The following TAF4 variants were observed in gnomAD, a reference collection of about 807,000 sequenced individuals.
TAF4 encodes the protein transcription initiation factor TFIID subunit 4.
Under a neutral mutation model 90.3 loss-of-function variants are expected in TAF4, and 9 were observed. The ratio of observed to expected loss-of-function variants is 0.10; its 90% CI spans 0.06 to 0.17. The LOEUF (loss-of-function observed/expected upper bound fraction) is 0.17, where lower values mean the gene tolerates loss of function less well. TAF4 is among the 10% of genes least tolerant of loss of function. The pLI is 1.00. For synonymous variants in TAF4, 818 were observed against 638.9 expected (o/e 1.28, Z -4.23); for missense variants, 1,351 against 1,370.7 (o/e 0.99, Z 0.23).
At chr20:62,040,770 C>A (rs1388660403) in intron 1 of TAF4, among the ~76,000 whole-genome samples, 1 of 152,232 alleles carries the variant, frequency 6.6e-6, no homozygotes, top group East Asian at 1.9e-4. Context: ...AGGAACACAG[C>A]CTGGCAGTTT....
rs1568922029 is a variant in TAF4 at position 61,985,047 on chromosome 20, G to GAGGT, written c.3091-8713_3091-8712insACCT. On this transcript the variant is annotated intron_variant, in intron 14 of 14. Coordinates refer to ENST00000252996, the MANE Select transcript of TAF4 (RefSeq NM_003185.4). ...CAGGGGGTGGGAGGATGGGTGGAGGGTGTGGCAGGACACCACTCCAAGGGG... is the reference window on the plus strand; with the variant it reads ...CAGGGGGTGGGAGGATGGGTGGAGGGAGGTTGTGGCAGGACACCACTCCAAGGGG... Among the ~76,000 whole-genome samples, 6 of 90,562 alleles carry GAGGT rather than the reference G, an allele frequency of 6.6e-5. No individual in the cohort carries two copies. In the East Asian group the frequency reaches 2.7e-3, roughly 41 times the overall value. 59.4% of individuals were successfully genotyped at this position (90,562 alleles called of 152,430 possible).
chr20:61,977,515 C>A (rs1167364934), intron 14 of TAF4, among the ~76,000 whole-genome samples: 5 of 152,346 alleles, frequency 3.3e-5, no homozygotes, highest in Middle Eastern at 6.8e-3. Context: ...TTCCTCCCCC[C>A]TTCCCCGTTC....
At position 62,007,528 on chromosome 20, in the gene TAF4, C is replaced by T. The variant is rs777377065; in HGVS notation, c.1974+19G>A. ...TCCCTGGCCCTACTGCTCGCAGGCA[C>T]CGGGGCCTTTGAAATTACCTTCAGG... is the stretch of plus-strand genomic sequence containing the variant. On this transcript the variant is annotated intron_variant, in intron 6 of 14. Transcript: ENST00000252996. 6.2e-7 allele frequency: 1 copy of T among 1,612,484 alleles called. No individual in the cohort carries two copies. The highest frequency in any genetic ancestry group is 8.5e-7 in the Non-Finnish European group (1 of 1,178,602).
At chr20:62,036,866 G>C (rs2055935415) in intron 1 of TAF4, among the ~76,000 whole-genome samples, 1 of 152,114 alleles carries the variant, frequency 6.6e-6, no homozygotes. Context: ...GGGGACTTTG[G>C]GGGCCCAGCC....
chr20:61,981,986 G>T (rs113045501), intron 14 of TAF4, among the ~76,000 whole-genome samples: 102 of 112,512 alleles, frequency 9.1e-4, no homozygotes, highest in African/African-American at 3.2e-3. Context: ...ACACCCACCC[G>T]AGAGGAGACA....
chr20:61,996,842 A>G (rs1359925815), intron 14 of TAF4, among the ~76,000 whole-genome samples: 4 of 152,068 alleles, frequency 2.6e-5, no homozygotes, highest in African/African-American at 9.7e-5. Flanking sequence ...CAATTTTTCA[A>G]GTAAACAAAA....
chr20:61,992,263 A>G (rs2055636403), intron 14 of TAF4, among the ~76,000 whole-genome samples: 1 of 152,266 alleles, frequency 6.6e-6, no homozygotes, highest in South Asian at 2.1e-4. Context: ...ACATAAATAC[A>G]GCACAAAATA....
intron 1 of TAF4, among the ~76,000 whole-genome samples, chr20:62,051,004 C>T (rs1287962308): frequency 6.6e-6 from 1 of 152,196 alleles, no homozygotes; most frequent in Non-Finnish European, 1.5e-5. Context: ...ATTTTCACCC[C>T]TCACAGGGGA....
At chr20:62,036,149 G>A (rs1469887357) in intron 1 of TAF4, among the ~76,000 whole-genome samples, 1 of 152,006 alleles carries the variant, frequency 6.6e-6, no homozygotes, top group African/African-American at 2.4e-5. Context: ...TCAGCCTCCT[G>A]AGTAGCTGGG....
intron 1 of TAF4, among the ~76,000 whole-genome samples, chr20:62,034,223 T>C (rs1045926764): frequency 2.0e-5 from 3 of 152,116 alleles, no homozygotes; most frequent in Admixed American, 2.0e-4. Flanking sequence ...CCTCAAAAAA[T>C]TGCAAATTTT....
chr20:62,006,691 T>C lies in TAF4; in HGVS notation c.2042A>G (p.Gln681Arg), dbSNP rs1379651588. 8 of 1,591,814 alleles carry C rather than the reference T, an allele frequency of 5.0e-6. No individual in the cohort carries two copies. The highest frequency in any genetic ancestry group is 6.0e-6 in the Non-Finnish European group (7 of 1,165,582). ...GGCCTGCGAGGTGGGCGGTGGCGGC[T>C]GCTGCTGGCTCTGCTGGATGAAGGC... ...SAAFIQQSQQ[Q>R]PPPPTSQATT... The change falls in exon 7 of 15, where the codon CAG (glutamine) becomes CGG (arginine). Residue 681 changes from glutamine (Q) to arginine (R), a missense_variant. Gln to Arg is a conservative substitution (Grantham distance 43, BLOSUM62 1). Transcript: ENST00000252996. This position sits in a 1 kb window ranked among gnomAD's most constrained non-coding sequence, Gnocchi z 7.0.
chr20:62,030,948 C>A (rs1284153224), intron 1 of TAF4, among the ~76,000 whole-genome samples: 1 of 152,196 alleles, frequency 6.6e-6, no homozygotes, highest in East Asian at 1.9e-4. Context: ...CCCAACTGCA[C>A]CTGAGCTTCC....
chr20:62,006,911 C>T lies in TAF4; in HGVS notation c.1975-153G>A, dbSNP rs1189851367. 1.0e-5 allele frequency: 11 copies of T among 1,071,738 alleles called. No homozygotes were observed. The East Asian group carries it at 3.5e-4, about 34-fold the overall frequency. The allele number at this position is 1,071,738 out of a possible 1,614,324, so 66.4% of individuals were successfully genotyped here. A position where few individuals can be genotyped will look rare whatever the true frequency, so the allele number is the denominator to read the frequency against. On this transcript the variant is annotated intron_variant, in intron 6 of 14. Transcript: ENST00000252996. This position sits in a 1 kb window ranked among gnomAD's most constrained non-coding sequence, Gnocchi z 7.0. ...CGGCAGCATGTCTGGATGTCAAGGG[C>T]CAGGACCCCATCCTGCCCTCCCACT...
intron 1 of TAF4, among the ~76,000 whole-genome samples, chr20:62,032,354 G>A (rs375926328): frequency 9.2e-5 from 14 of 152,360 alleles, no homozygotes; most frequent in East Asian, 3.9e-4. Context: ...AAGTCTACAC[G>A]TTTGTCCAGA....
At position 62,014,611 on chromosome 20, in the gene TAF4, G is replaced by A; in HGVS notation, c.1457C>T (p.Thr486Ile). ...MQAQAHAQPQ[T>I]TMAPRPATPT... is the part of the protein sequence containing the mutation. ...GGTGGCAGGGCGAGGCGCCATGGTG[G>A]TCTGAGGCTGGGCATGGGCCTGCGC... The change falls in exon 2 of 15, where the codon ACC becomes ATC. Residue 486 changes from threonine (T) to isoleucine (I), a missense_variant. Thr to Ile is a moderately conservative substitution (Grantham distance 89). Around this residue, in one of 9 missense-constraint regions of TAF4, gnomAD observed 143 missense variants for 176.3 expected, o/e 0.81. Transcript: ENST00000252996. 1 of 1,614,098 alleles carries A rather than the reference G, an allele frequency of 6.2e-7. No homozygotes were observed. The highest frequency in any genetic ancestry group is 2.2e-5 in the East Asian group (1 of 44,862).
chr20:62,053,520 C>G (rs2056042536), intron 1 of TAF4, among the ~76,000 whole-genome samples: 1 of 152,210 alleles, frequency 6.6e-6, no homozygotes, highest in Admixed American at 6.5e-5. Context: ...GAGAAGGGAG[C>G]CACGAGCGAC....
chr20:62,033,537 G>GATC (rs1231016923), intron 1 of TAF4, among the ~76,000 whole-genome samples: 1 of 152,180 alleles, frequency 6.6e-6, no homozygotes, highest in Non-Finnish European at 1.5e-5. Flanking sequence ...AGGGGTTCAA[G>GATC]ATCAGCCTGG....
intron 14 of TAF4, 83 bp downstream of exon 14, chr20:61,997,467 G>A: frequency 2.2e-6 from 3 of 1,345,596 alleles, no homozygotes; most frequent in Non-Finnish European, 2.9e-6. Context: ...ATTCCCCTAT[G>A]TGTGTCCGTC....
At chr20:61,997,989 T>C (rs755175239) in intron 13 of TAF4, 147 bp downstream of exon 13, 8 of 773,228 alleles carry the variant, frequency 1.0e-5, no homozygotes, top group Non-Finnish European at 1.6e-5. Context: ...CCTCTGATGT[T>C]GTATTTATTT....
Sources: gnomAD v4.1 joint callset for allele counts (sites outside exome capture counted in the v4.1 genomes callset) on GRCh38, gnomAD v4.1.1 for gene constraint, gnomAD v4.1.1 regional missense constraint, Gnocchi (gnomAD v3.1) non-coding constraint, MANE v1.5 for transcripts, NCBI Gene and HGNC (gene_info 2026-07-23, HGNC 2026-07-21) for gene names.